ZC3H3: variants seen among roughly 807,000 people sequenced by gnomAD.
ZC3H3 encodes the protein zinc finger CCCH domain-containing protein 3.
In ZC3H3, 36 loss-of-function variants were observed where a neutral mutation model predicts 77.3. The observed-to-expected ratio is 0.47, with a 90% CI of 0.36 to 0.61. The LOEUF is 0.61. ZC3H3 is among the 20% of genes least tolerant of loss of function. ZC3H3 has a pLI of 0.00. For synonymous variants in ZC3H3, 626 were observed against 555.2 expected (o/e 1.13, Z -1.79); for missense variants, 1,331 against 1,312.2 (o/e 1.01, Z -0.22).
intron 2 of ZC3H3, among the ~76,000 whole-genome samples, chr8:143,537,375 T>A (rs1271162774): frequency 6.6e-6 from 1 of 152,146 alleles, no homozygotes. Flanking sequence ...AAGCCAGGAA[T>A]GCCTAAGGAG....
intron 4 of ZC3H3, among the ~76,000 whole-genome samples, chr8:143,486,755 A>G (rs1023081940): frequency 3.1e-4 from 42 of 135,340 alleles, no homozygotes; most frequent in Middle Eastern, 4.3e-3. Flanking sequence ...CCGCTACACG[A>G]CCCCATCACC....
intron 3 of ZC3H3, among the ~76,000 whole-genome samples, chr8:143,515,984 C>T (rs543331326): frequency 3.3e-5 from 5 of 152,248 alleles, no homozygotes; most frequent in Admixed American, 1.3e-4. Context: ...CCGCTTCCAG[C>T]CCAGGCCCTG....
chr8:143,442,081 G>A (rs1244075713), intron 9 of ZC3H3, among the ~76,000 whole-genome samples: 1 of 152,102 alleles, frequency 6.6e-6, no homozygotes, highest in African/African-American at 2.4e-5. Flanking sequence ...CCCTTGCCAG[G>A]CACCTGACCT....
At chr8:143,492,504 G>A (rs768356224) in intron 4 of ZC3H3, among the ~76,000 whole-genome samples, 4 of 152,190 alleles carry the variant, frequency 2.6e-5, no homozygotes, top group Non-Finnish European at 5.9e-5. Flanking sequence ...CACCTGTAGC[G>A]TCAGGAACGG....
intron 7 of ZC3H3, 39 bp downstream of exon 7, chr8:143,468,343 A>G (rs766444687): frequency 3.7e-6 from 6 of 1,611,622 alleles, no homozygotes; most frequent in Non-Finnish European, 5.1e-6. Context: ...GGCCCTGCAC[A>G]GAACCTCCCC....
Position 143,465,227 on chromosome 8 carries a change from G to A in ZC3H3, c.2307+490C>T, listed in dbSNP as rs186942358. On this transcript the variant is annotated intron_variant, in intron 9 of 11. Transcript: ENST00000262577. Reference sequence around the variant, plus strand: ...AGCTCACTCCACCCTTGCCAGCCACGGCTCAGGCGGCCCCCTTGGCTCTGC... The same window carrying A: ...AGCTCACTCCACCCTTGCCAGCCACAGCTCAGGCGGCCCCCTTGGCTCTGC... Among the ~76,000 whole-genome samples, 605 of 152,250 alleles carry A rather than the reference G, an allele frequency of 4.0e-3. 3 individuals carry two copies. The highest frequency in any genetic ancestry group is 5.7e-3 in the Non-Finnish European group (390 of 67,996).
At chr8:143,506,168 C>T (rs1363593242) in intron 4 of ZC3H3, among the ~76,000 whole-genome samples, 3 of 152,242 alleles carry the variant, frequency 2.0e-5, no homozygotes. Context: ...CAGCCGGACC[C>T]AAACCAGACG....
At chr8:143,489,493 T>A (rs1162983496) in intron 4 of ZC3H3, among the ~76,000 whole-genome samples, 1 of 152,028 alleles carries the variant, frequency 6.6e-6, no homozygotes, top group African/African-American at 2.4e-5. Flanking sequence ...CCCACCGCCC[T>A]GGCCAGGGGA....
At chr8:143,476,337 G>T (rs1456145880) in intron 4 of ZC3H3, among the ~76,000 whole-genome samples, 2 of 152,224 alleles carry the variant, frequency 1.3e-5, no homozygotes, top group African/African-American at 4.8e-5. Flanking sequence ...GGCTGAAGAG[G>T]CCGCGACAGC....
intron 3 of ZC3H3, among the ~76,000 whole-genome samples, chr8:143,525,356 G>A (rs1049573854): frequency 1.3e-5 from 2 of 152,246 alleles, no homozygotes; most frequent in African/African-American, 2.4e-5. Context: ...GTGCAGGCAC[G>A]GGCGTGGGCG....
chr8:143,503,711 G>A (rs1443745654), intron 4 of ZC3H3, among the ~76,000 whole-genome samples: 2 of 111,810 alleles, frequency 1.8e-5, no homozygotes, highest in African/African-American at 3.5e-5. Context: ...GCACCCAGCC[G>A]GCTCCACCAC....
At chr8:143,464,414 C>T (rs4873794) in intron 9 of ZC3H3, among the ~76,000 whole-genome samples, 61,138 of 152,150 alleles carry the variant, frequency 0.4, 12,523 homozygotes, top group African/African-American at 0.48. Flanking sequence ...TTGGGGAGCC[C>T]GGCCTGGCCA....
In ZC3H3 at chr8:143,539,192, G is replaced by A. The variant is rs774794644; in HGVS notation, c.175C>T (p.Arg59Trp). Residue 59 changes from arginine (R) to tryptophan (W), a missense_variant, in exon 2 of 12, where the codon CGG becomes TGG. This residue lies in a region of ZC3H3 where 978 missense variants were observed against 915.5 expected (regional missense o/e 1.07). Coordinates refer to ENST00000262577, the MANE Select transcript of ZC3H3 (RefSeq NM_015117.3). ...AFSARYPRPS[R>W]RGYSSHHGPS... ...CCATGGTGGGAAGAGTAGCCCCTCC[G>A]GCTTGGACGAGGGTAGCGGGCACTA... is the stretch of plus-strand genomic sequence containing the variant. 49 of 1,612,838 alleles carry A rather than the reference G, an allele frequency of 3.0e-5. 1 individual carries two copies. In the South Asian group the frequency reaches 3.4e-4, roughly 11 times the overall value.
At chr8:143,465,912 C>CCG in intron 8 of ZC3H3, 64 bp from the exon 9 acceptor site, 1 of 1,556,888 alleles carries the variant, frequency 6.4e-7, no homozygotes, top group South Asian at 1.2e-5. Flanking sequence ...GAGACGGTGG[C>CCG]TGGGGACCCT....
chr8:143,519,914 C>A (rs1037275826), intron 3 of ZC3H3, among the ~76,000 whole-genome samples: 3 of 152,330 alleles, frequency 2.0e-5, no homozygotes, highest in African/African-American at 4.8e-5. Flanking sequence ...GACGGTGCCA[C>A]AGGGGAGCTG....
intron 5 of ZC3H3, among the ~76,000 whole-genome samples, chr8:143,470,990 C>T (rs950677193): frequency 3.3e-5 from 5 of 152,298 alleles, no homozygotes; most frequent in Middle Eastern, 3.4e-3. Context: ...GCCCCAGTGC[C>T]AGCTCTGGGC....
At chr8:143,470,473 C>T (rs898444295) in intron 5 of ZC3H3, among the ~76,000 whole-genome samples, 4 of 152,184 alleles carry the variant, frequency 2.6e-5, no homozygotes, top group Non-Finnish European at 4.4e-5. Context: ...CCCTTGTCCC[C>T]GGGTGGGCAG....
At chr8:143,478,500 C>T (rs1323649452) in intron 4 of ZC3H3, among the ~76,000 whole-genome samples, 4 of 152,210 alleles carry the variant, frequency 2.6e-5, no homozygotes, top group Non-Finnish European at 5.9e-5. Flanking sequence ...GCCATGCCCC[C>T]GCTCCTTCTT....
rs1437164242 is a variant in ZC3H3 at position 143,468,269 on chromosome 8, C to T, written c.2115G>A (p.Arg705=). The part of the protein sequence containing the change: ...EKVAVCTRFV[R]GTCKKTDGTC... Reference sequence around the variant, plus strand: ...TCCCATCCGTTTTCTTGCAGGTGCCCCGGACAAACCTGCAGCACCAGGAGA... The same window carrying T: ...TCCCATCCGTTTTCTTGCAGGTGCCTCGGACAAACCTGCAGCACCAGGAGA... Residue 705 remains arginine, a synonymous_variant, in exon 8 of 12, where the codon CGG becomes CGA. Coordinates refer to ENST00000262577, the MANE Select transcript of ZC3H3 (RefSeq NM_015117.3). 2 of 1,613,090 alleles carry T rather than the reference C, an allele frequency of 1.2e-6. No individual in the cohort carries two copies. Among genetic ancestry groups the T allele is most frequent in the East Asian group, 4.5e-5 (2 of 44,864 alleles).
Sources: gnomAD v4.1 joint callset for allele counts (sites outside exome capture counted in the v4.1 genomes callset) on GRCh38, gnomAD v4.1.1 for gene constraint, gnomAD v4.1.1 regional missense constraint, MANE v1.5 for transcripts, NCBI Gene and HGNC (gene_info 2026-07-23, HGNC 2026-07-21) for gene names.